The following VWDE variants were observed in gnomAD, a reference collection of about 807,000 sequenced individuals.
VWDE encodes the protein von Willebrand factor D and EGF domains.
VWDE carries 207 observed loss-of-function variants against 178.4 expected under a neutral mutation model. That is an observed-to-expected ratio of 1.16 (90% CI 1.04 to 1.30). VWDE has a LOEUF of 1.30. VWDE is among the 50% of genes most tolerant of loss of function. VWDE has a pLI of 0.00. For synonymous variants in VWDE, 738 were observed against 651.4 expected (o/e 1.13, Z -2.02); for missense variants, 2,287 against 1,901.3 (o/e 1.20, Z -3.77).
chr7:12,370,497 T>A lies in VWDE; in HGVS notation c.1809A>T (p.Gly603=). 1 of 1,537,824 alleles carries A rather than the reference T, an allele frequency of 6.5e-7. No homozygotes were observed. Among genetic ancestry groups the A allele is most frequent in the Non-Finnish European group, 8.7e-7 (1 of 1,144,004 alleles). The change falls in exon 12 of 29, where the codon GGA becomes GGT. Residue 603 remains glycine (G), a synonymous_variant. Transcript: ENST00000275358. ...CTGGCAGTGTGTCAGACATGCTTTT[T>A]CCTGGTAAAATCCTTCCAGATGGAA... ...AFINEWRILP[G]KSMSDTLPVS...
chr7:12,362,790 G>T (rs548881485), intron 13 of VWDE, among the ~76,000 whole-genome samples: 1 of 152,144 alleles, frequency 6.6e-6, no homozygotes, highest in Admixed American at 6.6e-5. Context: ...CCATATTTAA[G>T]GGAGTATGGA....
rs575613505 is a variant in VWDE, at chr7:12,337,702, G to A, written c.4367-430C>T. Among the ~76,000 whole-genome samples, 5 of 152,158 alleles carry A rather than the reference G, an allele frequency of 3.3e-5. No homozygotes were observed. The East Asian group carries it at 7.7e-4, about 24-fold the overall frequency. On this transcript the variant is annotated intron_variant, in intron 24 of 28. Transcript: ENST00000275358. The stretch of plus-strand genomic sequence containing the variant: ...AAAAAGCACTTTTAAATTAGCTTTC[G>A]AGTACTTACTGAGGTTATGAAGGCA...
In VWDE at chr7:12,356,143, C is replaced by T. The variant is rs750142227; in HGVS notation, c.3713G>A (p.Ser1238Asn). 2 of 1,551,486 alleles carry T rather than the reference C, an allele frequency of 1.3e-6. No homozygotes were observed. Among genetic ancestry groups the T allele is most frequent in the South Asian group, 2.4e-5 (2 of 84,050 alleles). ...GLGSYISGFH[S>N]YSCDCPPELK... The stretch of plus-strand genomic sequence containing the variant: ...CTCAGGTGGACAATCACAGGAATAA[C>T]TGTGAAAACCACTAATATAGCTGCC... The change falls in exon 18 of 29, where the codon AGT becomes AAT. Residue 1238 changes from serine to asparagine, a missense_variant. Physicochemically the swap from Ser to Asn is conservative, Grantham distance 46. Transcript: ENST00000275358.
Position 12,373,098 on chromosome 7 carries a change from A to G in VWDE, c.1466T>C (p.Ile489Thr). ...ACCATTGCACATATCAAAAGTAACT[A>G]TATCACCTCCTTCCTGGGCAACAAA... The part of the protein sequence containing the change: ...CGFVAQEGGD[I>T]VTFDMCNGQL... The change falls in exon 10 of 29, where the codon ATA becomes ACA. Residue 489 changes from isoleucine to threonine, a missense_variant. Transcript: ENST00000275358. The G allele has an allele frequency of 6.4e-7, 1 of 1,551,326 alleles. No individual in the cohort carries two copies.
At chr7:12,357,213 T>C (rs1782295963) in intron 17 of VWDE, 52 bp downstream of exon 17, 1 of 1,526,008 alleles carries the variant, frequency 6.6e-7, no homozygotes, top group African/African-American at 1.4e-5. Context: ...TCAAATAAAG[T>C]TGTTAAAATT....
rs200127969 is a variant in VWDE, at chr7:12,392,819, A to C, written c.243+775T>G. Among the ~76,000 whole-genome samples, 44 of 152,106 alleles carry C rather than the reference A, an allele frequency of 2.9e-4. No homozygotes were observed. The East Asian group carries it at 7.3e-3, about 25-fold the overall frequency. On this transcript the variant is annotated intron_variant, in intron 2 of 28. Coordinates refer to ENST00000275358, the MANE Select transcript of VWDE (RefSeq NM_001135924.3). ...GTAAAGTTAAGTTGCAAAAAAAAAA[A>C]AAACACATCCGATGTGAGTTCATGT...
chr7:12,357,175 A>T, intron 17 of VWDE, 90 bp downstream of exon 17: 1 of 1,445,668 alleles, frequency 6.9e-7, no homozygotes, highest in South Asian at 1.4e-5. Context: ...TGCTCTTTAC[A>T]ACTAGCAATA....
intron 23 of VWDE, 47 bp from the exon 24 acceptor site, chr7:12,340,464 A>T (rs1252155809): frequency 7.1e-7 from 1 of 1,417,746 alleles, no homozygotes; most frequent in South Asian, 1.3e-5. Flanking sequence ...TTTATTATTT[A>T]AAAAATGAAA....
chr7:12,337,953 C>T (rs1781128979), intron 24 of VWDE, among the ~76,000 whole-genome samples: 1 of 151,978 alleles, frequency 6.6e-6, no homozygotes, highest in South Asian at 2.1e-4. Flanking sequence ...AAATTAAATG[C>T]AGGCATTTCT....
Position 12,340,362 on chromosome 7 carries a change from G to C in VWDE, c.4326C>G (p.Cys1442Trp), listed in dbSNP as rs1249163316. The C allele has an allele frequency of 6.4e-7, 1 of 1,551,462 alleles. No homozygotes were observed. The change falls in exon 24 of 29, where the codon TGC (cysteine) becomes TGG (tryptophan). Residue 1442 changes from cysteine (C) to tryptophan (W), a missense_variant. Physicochemically the swap from Cys to Trp is radical, Grantham distance 215. Coordinates refer to ENST00000275358, the MANE Select transcript of VWDE (RefSeq NM_001135924.3). Reference sequence around the variant, plus strand: ...CCCCAAAGAATCCATTTGGACAGAGGCAAGTATTTGGCTTATTACACGAAC... The same window carrying C: ...CCCCAAAGAATCCATTTGGACAGAGCCAAGTATTTGGCTTATTACACGAAC... ...NGGSCNKPNT[C>W]LCPNGFFGEH...
intron 13 of VWDE, among the ~76,000 whole-genome samples, chr7:12,365,939 G>C (rs769996040): frequency 6.6e-6 from 1 of 152,030 alleles, no homozygotes; most frequent in African/African-American, 2.4e-5. Flanking sequence ...CCCAGGGATC[G>C]AGGGAGGGAC....
intron 28 of VWDE, among the ~76,000 whole-genome samples, 174 bp downstream of exon 28, chr7:12,333,291 T>G (rs534068940): frequency 6.6e-6 from 1 of 152,292 alleles, no homozygotes; most frequent in East Asian, 1.9e-4. Flanking sequence ...CAAAATTTTA[T>G]ATAATAACTC....
chr7:12,334,628 A>G (rs980097608), intron 27 of VWDE, among the ~76,000 whole-genome samples: 8 of 152,214 alleles, frequency 5.3e-5, no homozygotes, highest in Non-Finnish European at 1.2e-4. Context: ...TTATATTAAG[A>G]CAATTTCTCA....
rs1783783606 is a variant in VWDE at position 12,380,478 on chromosome 7, TA to T, written c.789+7del. 1.3e-6 allele frequency: 2 copies of T among 1,544,762 alleles called. No homozygotes were observed. Among genetic ancestry groups the T allele is most frequent in the African/African-American group, 2.8e-5 (2 of 72,468 alleles). ...ATGAAAATAAAATGCAACTGTTTTT[TA>T]ACATACCCTGTCTCCAAGTCTGAGA... is the stretch of plus-strand genomic sequence containing the variant. On this transcript the variant is annotated splice_region_variant and intron_variant, in intron 5 of 28. Transcript: ENST00000275358.
chr7:12,340,919 T>C (rs1327806192), intron 23 of VWDE, among the ~76,000 whole-genome samples: 1 of 152,154 alleles, frequency 6.6e-6, no homozygotes, highest in Non-Finnish European at 1.5e-5. Flanking sequence ...TCAAAAACAT[T>C]CTTTGTTTTT....
At chr7:12,348,726 G>T (rs1781754161) in intron 19 of VWDE, among the ~76,000 whole-genome samples, 1 of 150,332 alleles carries the variant, frequency 6.7e-6, no homozygotes, top group Non-Finnish European at 1.5e-5. Context: ...CCATTACTGG[G>T]TATATACCCA....
At chr7:12,375,653 A>G (rs920549738) in intron 7 of VWDE, among the ~76,000 whole-genome samples, 3 of 152,022 alleles carry the variant, frequency 2.0e-5, no homozygotes, top group African/African-American at 4.8e-5. Flanking sequence ...ATATGTGTTC[A>G]TGTTCCATCC....
chr7:12,334,865 A>T (rs896012491), intron 27 of VWDE, among the ~76,000 whole-genome samples: 1 of 152,164 alleles, frequency 6.6e-6, no homozygotes, highest in Non-Finnish European at 1.5e-5. Flanking sequence ...GAGGTTGCTA[A>T]CTTTTTTTTT....
Position 12,336,934 on chromosome 7 carries a change from T to C in VWDE, c.4558+54A>G, listed in dbSNP as rs78324899. The C allele has an allele frequency of 3.5e-3, 5,109 of 1,464,456 alleles. 154 individuals are homozygous for C. In the African/African-American group the frequency reaches 0.065, roughly 19 times the overall value. 90.7% of individuals were successfully genotyped at this position (1,464,456 alleles called of 1,614,324 possible). ...AAAAATGCTCTGTTTTAAACTCTGCTTTACATTCCCATGAAGGACGAAAGC... is the reference window on the plus strand; with the variant it reads ...AAAAATGCTCTGTTTTAAACTCTGCCTTACATTCCCATGAAGGACGAAAGC... On this transcript the variant is annotated intron_variant, in intron 26 of 28. Transcript: ENST00000275358.
Sources: allele counts gnomAD v4.1 joint callset (sites outside exome capture counted in the v4.1 genomes callset), GRCh38; gene constraint gnomAD v4.1.1; transcripts MANE v1.5; gene names NCBI Gene and HGNC (gene_info 2026-07-23, HGNC 2026-07-21).